Variants in FSTL5 observed in about 807,000 individuals in gnomAD.
FSTL5 encodes follistatin like 5.
In FSTL5, 62 loss-of-function variants were observed where a neutral mutation model predicts 89.1. That is an observed-to-expected ratio of 0.70 (90% CI 0.57 to 0.86). FSTL5 has a LOEUF of 0.86. Among genes scored for constraint, FSTL5 ranks in the 40% least tolerant of loss-of-function variants. The pLI is 0.00. For synonymous variants in FSTL5, 383 were observed against 346.2 expected (o/e 1.11, Z -1.18); for missense variants, 1,057 against 1,001.6 (o/e 1.06, Z -0.75).
chr4:161,745,503 T>C (rs1740167796), intron 6 of FSTL5, among the ~76,000 whole-genome samples: 2 of 152,088 alleles, frequency 1.3e-5, no homozygotes, highest in Admixed American at 6.6e-5. Context: ...GTATATAGCA[T>C]TTTCACCTGT....
chr4:161,947,584 A>G (rs1236312714), intron 3 of FSTL5, among the ~76,000 whole-genome samples: 1 of 152,128 alleles, frequency 6.6e-6, no homozygotes, highest in Non-Finnish European at 1.5e-5. Flanking sequence ...TGTTTCCCAC[A>G]TAAATATCTA....
intron 8 of FSTL5, among the ~76,000 whole-genome samples, chr4:161,566,121 TATATATATATATATACAC>T (rs1322597600): frequency 8.9e-6 from 1 of 112,356 alleles, no homozygotes; most frequent in African/African-American, 3.5e-5. Flanking sequence ...TATATATATA[TATATATATATATATACAC>T]ACACACACAC....
chr4:161,803,512 T>G (rs568134431), intron 4 of FSTL5, among the ~76,000 whole-genome samples: 1 of 151,906 alleles, frequency 6.6e-6, no homozygotes, highest in Non-Finnish European at 1.5e-5. Context: ...GACCAAAAAT[T>G]TATGTAAAAA....
chr4:161,605,411 T>G (rs1026209288), intron 7 of FSTL5, among the ~76,000 whole-genome samples: 1 of 152,156 alleles, frequency 6.6e-6, no homozygotes, highest in Non-Finnish European at 1.5e-5. Context: ...ATGTATATCT[T>G]AAATACATGT....
intron 2 of FSTL5, among the ~76,000 whole-genome samples, chr4:162,040,782 A>G (rs1737921725): frequency 6.6e-6 from 1 of 152,048 alleles, no homozygotes; most frequent in African/African-American, 2.4e-5. Flanking sequence ...CCTTCGCTGA[A>G]CATTCTATCT....
chr4:161,805,069 A>G (rs1359471789), intron 4 of FSTL5, among the ~76,000 whole-genome samples: 1 of 152,052 alleles, frequency 6.6e-6, no homozygotes, highest in Non-Finnish European at 1.5e-5. Context: ...ATTCTGTAGG[A>G]CCATCCCATT....
intron 4 of FSTL5, among the ~76,000 whole-genome samples, chr4:161,837,016 T>C (rs1343027768): frequency 6.6e-6 from 1 of 152,126 alleles, no homozygotes; most frequent in East Asian, 1.9e-4. Flanking sequence ...AGGCACTAAA[T>C]ATGTAGTTGG....
At chr4:161,598,290 G>C (rs2126620606) in intron 7 of FSTL5, among the ~76,000 whole-genome samples, 1 of 152,146 alleles carries the variant, frequency 6.6e-6, no homozygotes, top group African/African-American at 2.4e-5. Flanking sequence ...CAGGAGAATA[G>C]CTTGAACCCG....
At chr4:161,941,690 GTTGCAGAC>G (rs751663672) in intron 3 of FSTL5, among the ~76,000 whole-genome samples, 23 of 152,018 alleles carry the variant, frequency 1.5e-4, no homozygotes, top group Non-Finnish European at 1.8e-4. Flanking sequence ...TGCAGTTCTA[GTTGCAGAC>G]TTCAATACCT....
chr4:161,880,427 T>C (rs1469667540), intron 4 of FSTL5, among the ~76,000 whole-genome samples: 2 of 152,104 alleles, frequency 1.3e-5, no homozygotes, highest in African/African-American at 4.8e-5. Context: ...CAAACTCATA[T>C]ATCATTGAAC....
At chr4:161,706,558 A>G (rs1738588774) in intron 6 of FSTL5, among the ~76,000 whole-genome samples, 2 of 152,040 alleles carry the variant, frequency 1.3e-5, no homozygotes, top group Admixed American at 1.3e-4. Flanking sequence ...AACAATCCGG[A>G]AAGGAAAATT....
chr4:161,811,526 A>T lies in FSTL5; in HGVS notation c.410-35452T>A, dbSNP rs966623504. ...AAAAGCTAGAGTTAATCTTAAAATG[A>T]CTCTATTGAGTAGGGAGTGAGTGGA... On this transcript the variant is annotated intron_variant, in intron 4 of 15. Transcript: ENST00000306100. Among the ~76,000 whole-genome samples the T allele has an allele frequency of 2.6e-5, 4 of 152,186 alleles. No homozygotes were observed. In the East Asian group the frequency reaches 7.7e-4, roughly 29 times the overall value.
intron 6 of FSTL5, among the ~76,000 whole-genome samples, chr4:161,694,865 A>G (rs1018673385): frequency 7.6e-6 from 1 of 131,738 alleles, no homozygotes; most frequent in Non-Finnish European, 1.6e-5. Context: ...TTTTTTTGCA[A>G]AAAGATGTAG....
intron 2 of FSTL5, among the ~76,000 whole-genome samples, chr4:162,080,429 C>A (rs1730048245): frequency 1.3e-5 from 2 of 151,390 alleles, no homozygotes; most frequent in South Asian, 2.1e-4. Flanking sequence ...CAAATTAAAA[C>A]CCACAAAGAG....
chr4:161,951,333 C>G (rs906573545), intron 3 of FSTL5, among the ~76,000 whole-genome samples: 3 of 152,052 alleles, frequency 2.0e-5, no homozygotes, highest in Admixed American at 2.0e-4. Context: ...TTTCTCTTAA[C>G]CCTATTCTCT....
chr4:161,811,628 TTG>T, intron 4 of FSTL5, among the ~76,000 whole-genome samples: 1 of 152,240 alleles, frequency 6.6e-6, no homozygotes, highest in South Asian at 2.1e-4. Flanking sequence ...AGCCTACTTG[TTG>T]ATTATATCAA....
chr4:161,977,639 A>AAAAAAAATAAT (rs1553988132), intron 3 of FSTL5, among the ~76,000 whole-genome samples: 3 of 101,238 alleles, frequency 3.0e-5, no homozygotes, highest in Non-Finnish European at 5.7e-5. Flanking sequence ...AAAAAAAAAA[A>AAAAAAAATAAT]AATAATAATA....
At chr4:161,805,538 A>T (rs966070531) in intron 4 of FSTL5, among the ~76,000 whole-genome samples, 1 of 152,128 alleles carries the variant, frequency 6.6e-6, no homozygotes, top group African/African-American at 2.4e-5. Context: ...CAAGAATGAC[A>T]TCCAGATTCC....
intron 7 of FSTL5, among the ~76,000 whole-genome samples, chr4:161,633,843 A>G (rs1376877060): frequency 6.6e-6 from 1 of 152,220 alleles, no homozygotes; most frequent in African/African-American, 2.4e-5. Context: ...CACTAGCAAG[A>G]TAATAAAGCT....
Sources: allele counts gnomAD v4.1 joint callset (sites outside exome capture counted in the v4.1 genomes callset), GRCh38; gene constraint gnomAD v4.1.1; transcripts MANE v1.5; gene names NCBI Gene and HGNC (gene_info 2026-07-23, HGNC 2026-07-21).